The following WDPCP variants were observed in gnomAD, a reference collection of about 807,000 sequenced individuals.
WDPCP encodes the protein WD repeat-containing and planar cell polarity effector protein fritz homolog.
In WDPCP, 71 loss-of-function variants were observed where a neutral mutation model predicts 93.1. The ratio of observed to expected loss-of-function variants is 0.76; its 90% confidence interval spans 0.63 to 0.93. The LOEUF is 0.93. Ranked by LOEUF, WDPCP falls within the 40% of genes least tolerant of loss-of-function variation. The pLI, the probability that WDPCP is intolerant of heterozygous loss-of-function variation, is 0.00. For synonymous variants in WDPCP, 315 were observed against 315.0 expected (o/e 1.00, Z 0.00); for missense variants, 844 against 887.4 (o/e 0.95, Z 0.62).
At chr2:63,493,038 C>A in intron 1 of WDPCP, 98 bp from the exon 2 acceptor site, 1 of 1,029,434 alleles carries the variant, frequency 9.7e-7, no homozygotes. Flanking sequence ...TCATTCGCCA[C>A]AACTGTTATT....
At chr2:63,265,771 T>C (rs1374304204) in intron 13 of WDPCP, among the ~76,000 whole-genome samples, 2 of 152,122 alleles carry the variant, frequency 1.3e-5, no homozygotes, top group Admixed American at 1.3e-4. Context: ...AACAAAATAC[T>C]ATCAAACCAA....
chr2:63,209,333 G>A lies in WDPCP; in HGVS notation c.1916-34501C>T, dbSNP rs1269172533. Among the ~76,000 whole-genome samples, 3 of 152,186 alleles carry A rather than the reference G, an allele frequency of 2.0e-5. No individual in the cohort carries two copies. The East Asian group carries it at 5.8e-4, about 29-fold the overall frequency. ...ACTGGACAGTAGGTAGGAACAGTAG[G>A]AATCTTGGTCATCCATTCATGCGTG... is the stretch of plus-strand genomic sequence containing the variant. On this transcript the variant is annotated intron_variant, in intron 14 of 17. Coordinates refer to ENST00000272321, the MANE Select transcript of WDPCP (RefSeq NM_015910.7).
At chr2:63,294,508 G>GAAAAAAAAAAAAAAAAAA (rs59228476) in intron 13 of WDPCP, among the ~76,000 whole-genome samples, 1 of 48,324 alleles carries the variant, frequency 2.1e-5, no homozygotes, top group Non-Finnish European at 3.6e-5. Context: ...AGACTGTTTC[G>GAAAAAAAAAAAAAAAAAA]AAAAAAAAAA....
chr2:63,449,079 T>C (rs1310521853), intron 6 of WDPCP, among the ~76,000 whole-genome samples: 1 of 152,242 alleles, frequency 6.6e-6, no homozygotes, highest in Non-Finnish European at 1.5e-5. Context: ...ATCATTCCAC[T>C]ATGTATGCCT....
chr2:63,779,862 A>C (rs888191422), intron 2 of WDPCP, among the ~76,000 whole-genome samples: 1 of 152,218 alleles, frequency 6.6e-6, no homozygotes, highest in Non-Finnish European at 1.5e-5. Flanking sequence ...TTTAAAGCTT[A>C]ATCTAGTTTT....
intron 13 of WDPCP, among the ~76,000 whole-genome samples, chr2:63,269,964 C>A (rs942427212): frequency 5.9e-5 from 9 of 152,158 alleles, no homozygotes; most frequent in Admixed American, 2.6e-4. Context: ...TTGGACAAAT[C>A]TGATCAATAA....
intron 13 of WDPCP, among the ~76,000 whole-genome samples, chr2:63,303,676 G>C (rs928968820): frequency 1.3e-5 from 2 of 152,160 alleles, no homozygotes; most frequent in Non-Finnish European, 2.9e-5. Flanking sequence ...GATACCAGGG[G>C]CAACACGGTA....
chr2:63,561,948 G>A (rs1431011243), intron 1 of WDPCP, among the ~76,000 whole-genome samples: 2 of 152,172 alleles, frequency 1.3e-5, no homozygotes, highest in Non-Finnish European at 1.5e-5. Context: ...CAACCACTGT[G>A]AAAAACAGTG....
intron 15 of WDPCP, among the ~76,000 whole-genome samples, chr2:63,157,715 A>G (rs1033167676): frequency 6.6e-6 from 1 of 152,124 alleles, no homozygotes; most frequent in Non-Finnish European, 1.5e-5. Flanking sequence ...TAATGTCGGT[A>G]AAGTTTAAGA....
At chr2:63,691,995 C>G (rs1668897725) in intron 2 of WDPCP, among the ~76,000 whole-genome samples, 1 of 151,578 alleles carries the variant, frequency 6.6e-6, no homozygotes, top group Non-Finnish European at 1.5e-5. Context: ...ATAGGACCTA[C>G]TCATTGTCTA....
rs532378340 is a variant in WDPCP, at chr2:63,535,493, G to C, written c.76-42553C>G. Among the ~76,000 whole-genome samples the C allele has an allele frequency of 1.1e-4, 16 of 152,238 alleles. 1 individual carries two copies. The highest frequency in any genetic ancestry group is 3.6e-4 in the African/African-American group (15 of 41,544). ...AGGCTACGGTAACCAAAACAGCATG[G>C]TACTGGTACCAAAACAGAGATATAG... On this transcript the variant is annotated intron_variant, in intron 1 of 17. Transcript: ENST00000272321.
At chr2:63,638,833 A>C (rs968964303) in intron 3 of WDPCP, among the ~76,000 whole-genome samples, 1 of 151,652 alleles carries the variant, frequency 6.6e-6, no homozygotes, top group African/African-American at 2.4e-5. Flanking sequence ...GAAACAAAGA[A>C]CTGTTTCCTT....
At position 63,326,276 on chromosome 2, in the gene WDPCP, G is replaced by T. The variant is rs149897217; in HGVS notation, c.1749-12965C>A. Among the ~76,000 whole-genome samples, 178 of 152,276 alleles carry T rather than the reference G, an allele frequency of 1.2e-3. 2 individuals are homozygous for T. Among genetic ancestry groups the T allele is most frequent in the African/African-American group, 3.9e-3 (164 of 41,554 alleles). On this transcript the variant is annotated intron_variant, in intron 12 of 17. Transcript: ENST00000272321. ...ATGACTGCCAACAAATTATAGTCCAGACTTATGCCGCCCGAGATGATCTCT... is the reference window on the plus strand; with the variant it reads ...ATGACTGCCAACAAATTATAGTCCATACTTATGCCGCCCGAGATGATCTCT...
At chr2:63,514,991 C>T (rs1289322313) in intron 1 of WDPCP, among the ~76,000 whole-genome samples, 1 of 152,054 alleles carries the variant, frequency 6.6e-6, no homozygotes, top group South Asian at 2.1e-4. Context: ...CAGGCTGCAG[C>T]TGTGTGTCTG....
At chr2:63,253,630 C>T (rs1330136918) in intron 14 of WDPCP, among the ~76,000 whole-genome samples, 1 of 152,012 alleles carries the variant, frequency 6.6e-6, no homozygotes, top group Non-Finnish European at 1.5e-5. Context: ...AGTCAACAAA[C>T]ATGAAAAAAT....
rs1701812054 is a variant in WDPCP, at chr2:63,505,454, AATT to A, written c.76-12517_76-12515del. On this transcript the variant is annotated intron_variant, in intron 1 of 17. Transcript: ENST00000272321. The stretch of plus-strand genomic sequence containing the variant: ...ATGTTAATTCCCTAATATAGTAGGA[AATT>A]ATTACCTGATATTTAAAAATCAGTA... Among the ~76,000 whole-genome samples, 3 of 152,076 alleles carry A rather than the reference AATT, an allele frequency of 2.0e-5. No homozygotes were observed. The South Asian group carries it at 6.2e-4, about 31-fold the overall frequency.
chr2:63,572,963 T>C (rs1558826910), intron 1 of WDPCP, among the ~76,000 whole-genome samples: 2 of 152,124 alleles, frequency 1.3e-5, no homozygotes, highest in African/African-American at 4.8e-5. Flanking sequence ...AAAGTATTCA[T>C]TGGCCAGGCA....
Position 63,824,752 on chromosome 2 carries a change from TAC to T in WDPCP, n.222+2868_222+2869del, listed in dbSNP as rs563774220. 1.4e-4 allele frequency among the ~76,000 whole-genome samples: 22 copies of T among 152,142 alleles called. No homozygotes were observed. In the East Asian group the frequency reaches 4.0e-3, roughly 28 times the overall value. On this transcript the variant is annotated intron_variant and non_coding_transcript_variant, in intron 1 of 4. Coordinates refer to the WDPCP transcript ENST00000467687. ...TCATTTGTGTATCTCTTTTTGTATT[TAC>T]AGTTTTCTTCAATTGATATAAGGTT...
intron 2 of WDPCP, among the ~76,000 whole-genome samples, chr2:63,707,721 G>A (rs369270955): frequency 1.1e-4 from 16 of 152,232 alleles, no homozygotes; most frequent in East Asian, 1.9e-4. Context: ...TAGAGTTTCC[G>A]GTTTTTCTGC....
Sources: allele counts gnomAD v4.1 joint callset (sites outside exome capture counted in the v4.1 genomes callset), GRCh38; gene constraint gnomAD v4.1.1; transcripts MANE v1.5; gene names NCBI Gene and HGNC (gene_info 2026-07-23, HGNC 2026-07-21).